Variants in CACNA2D3 observed in about 807,000 individuals in gnomAD.
CACNA2D3 encodes the protein voltage-dependent calcium channel subunit alpha-2/delta-3.
In CACNA2D3, 60 loss-of-function variants were observed where a neutral mutation model predicts 160.6. The observed-to-expected ratio is 0.37, with a 90% CI of 0.30 to 0.46. CACNA2D3 has a LOEUF of 0.46. CACNA2D3 is among the 20% of genes least tolerant of loss of function. The pLI is 1.00. For missense variants in CACNA2D3, 1,205 were observed against 1,365.0 expected (o/e 0.88, Z 1.85); for synonymous variants, 558 against 492.9 (o/e 1.13, Z -1.75).
chr3:54,904,844 A>T (rs1700417902), intron 27 of CACNA2D3, among the ~76,000 whole-genome samples: 1 of 152,234 alleles, frequency 6.6e-6, no homozygotes, highest in Non-Finnish European at 1.5e-5. Flanking sequence ...CTCAGTAGCT[A>T]AAACTCCAGT....
chr3:54,972,438 C>T (rs1377220684), intron 29 of CACNA2D3, among the ~76,000 whole-genome samples: 1 of 152,176 alleles, frequency 6.6e-6, no homozygotes, highest in Non-Finnish European at 1.5e-5. Flanking sequence ...TGCCATGTGT[C>T]ATTCTCTTTT....
chr3:54,954,596 G>A (rs1019490401), intron 27 of CACNA2D3, among the ~76,000 whole-genome samples: 1 of 152,100 alleles, frequency 6.6e-6, no homozygotes, highest in Non-Finnish European at 1.5e-5. Flanking sequence ...TGAGCAGCTC[G>A]TTCAGGAGGC....
At chr3:54,292,739 G>C (rs1703241485) in intron 2 of CACNA2D3, among the ~76,000 whole-genome samples, 2 of 152,166 alleles carry the variant, frequency 1.3e-5, no homozygotes, top group South Asian at 4.1e-4. Flanking sequence ...AATGTAAAAT[G>C]GTATAGCTGC....
chr3:54,849,303 C>T (rs1230301201), intron 17 of CACNA2D3, among the ~76,000 whole-genome samples: 1 of 145,364 alleles, frequency 6.9e-6, no homozygotes, highest in Non-Finnish European at 1.5e-5. Context: ...TAAGAGTCAG[C>T]CGGCATGAAT....
intron 9 of CACNA2D3, among the ~76,000 whole-genome samples, chr3:54,609,962 A>T (rs1444674095): frequency 2.0e-5 from 3 of 152,188 alleles, no homozygotes; most frequent in Non-Finnish European, 2.9e-5. Context: ...AGGTATTGGC[A>T]GGTCATGCTT....
chr3:54,878,955 A>G, intron 18 of CACNA2D3, 63 bp from the exon 19 acceptor site: 1 of 1,027,878 alleles, frequency 9.7e-7, no homozygotes, highest in South Asian at 1.6e-5. Context: ...CTGAGGATGC[A>G]AGATGTCCAG....
intron 2 of CACNA2D3, among the ~76,000 whole-genome samples, chr3:54,146,259 T>A (rs1258878070): frequency 6.6e-6 from 1 of 152,212 alleles, no homozygotes; most frequent in African/African-American, 2.4e-5. Context: ...GTAACTGTTA[T>A]GAATTTGTTG....
chr3:54,237,534 C>T (rs571334450), intron 2 of CACNA2D3, among the ~76,000 whole-genome samples: 13 of 152,286 alleles, frequency 8.5e-5, no homozygotes, highest in South Asian at 6.2e-4. Context: ...TAGATTTACA[C>T]GGTAAAGATT....
At chr3:54,624,007 TGGA>T (rs1358054132) in intron 9 of CACNA2D3, among the ~76,000 whole-genome samples, 2 of 151,734 alleles carry the variant, frequency 1.3e-5, no homozygotes, top group African/African-American at 2.4e-5. Flanking sequence ...GGTCAGGGTG[TGGA>T]GGAGGAGAAG....
At chr3:55,037,451 G>C (rs1280049324) in intron 35 of CACNA2D3, among the ~76,000 whole-genome samples, 1 of 152,154 alleles carries the variant, frequency 6.6e-6, no homozygotes, top group African/African-American at 2.4e-5. Context: ...AGACATCAGT[G>C]GCACTTTTGA....
At chr3:54,356,204 C>T (rs1340546549) in intron 3 of CACNA2D3, among the ~76,000 whole-genome samples, 3 of 152,088 alleles carry the variant, frequency 2.0e-5, no homozygotes, top group Non-Finnish European at 4.4e-5. Context: ...TTGTCATTCA[C>T]CAGAGAGAGA....
At chr3:54,513,286 G>A (rs1701488833) in intron 5 of CACNA2D3, among the ~76,000 whole-genome samples, 1 of 152,094 alleles carries the variant, frequency 6.6e-6, no homozygotes, top group African/African-American at 2.4e-5. Context: ...CCAAGCTGAT[G>A]GAAACTTCTG....
chr3:54,281,752 T>C (rs796329675), intron 2 of CACNA2D3, among the ~76,000 whole-genome samples: 8 of 152,366 alleles, frequency 5.3e-5, no homozygotes, highest in African/African-American at 1.9e-4. Context: ...TCTGTATTCA[T>C]GCAGAATATT....
chr3:54,763,816 T>C lies in CACNA2D3; in HGVS notation c.1247-402T>C, dbSNP rs1301922424. Among the ~76,000 whole-genome samples the C allele has an allele frequency of 2.1e-5, 2 of 96,044 alleles. 1 individual carries two copies. The highest frequency in any genetic ancestry group is 8.6e-5 in the African/African-American group (2 of 23,204). 63.0% of individuals were successfully genotyped at this position (96,044 alleles called of 152,430 possible). ...ATATATATGTACATATATATACATATATATATACGTATATATATGTATATA... is the reference window on the plus strand; with the variant it reads ...ATATATATGTACATATATATACATACATATATACGTATATATATGTATATA... On this transcript the variant is annotated intron_variant, in intron 12 of 37. Coordinates refer to ENST00000474759, the MANE Select transcript of CACNA2D3 (RefSeq NM_018398.3).
chr3:54,469,786 A>G (rs1700696474), intron 4 of CACNA2D3, among the ~76,000 whole-genome samples: 1 of 152,058 alleles, frequency 6.6e-6, no homozygotes, highest in Admixed American at 6.6e-5. Flanking sequence ...TGAAGCATAC[A>G]CAAGTATCAA....
chr3:54,989,239 T>C lies in CACNA2D3; in HGVS notation c.2690+1486T>C, dbSNP rs190990898. On this transcript the variant is annotated intron_variant, in intron 31 of 37. Transcript: ENST00000474759. ...TTCAACTTCTTTAACAAACCTATTTTTTCCTCTCCCTCTTGGATATTCCTT... is the reference window on the plus strand; with the variant it reads ...TTCAACTTCTTTAACAAACCTATTTCTTCCTCTCCCTCTTGGATATTCCTT... Among the ~76,000 whole-genome samples, 607 of 152,330 alleles carry C rather than the reference T, an allele frequency of 4.0e-3. 4 individuals are homozygous for C. Among genetic ancestry groups the C allele is most frequent in the African/African-American group, 0.014 (564 of 41,564 alleles).
chr3:54,687,793 G>T (rs1251934871), intron 11 of CACNA2D3, among the ~76,000 whole-genome samples: 1 of 152,196 alleles, frequency 6.6e-6, no homozygotes, highest in African/African-American at 2.4e-5. Flanking sequence ...GAGGTATTTA[G>T]TGCAGAGCTT....
At chr3:54,229,876 T>C (rs749165146) in intron 2 of CACNA2D3, among the ~76,000 whole-genome samples, 40 of 152,124 alleles carry the variant, frequency 2.6e-4, no homozygotes, top group Non-Finnish European at 4.7e-4. Flanking sequence ...ATTGTAATAT[T>C]TGGACACCTG....
At chr3:54,149,928 T>TCTCTCTCTCTCTCTCTCTCTCTCTCTCC in intron 2 of CACNA2D3, among the ~76,000 whole-genome samples, 1 of 35,556 alleles carries the variant, frequency 2.8e-5, no homozygotes, top group East Asian at 7.8e-4. Flanking sequence ...TCTCTCTCTC[T>TCTCTCTCTCTCTCTCTCTCTCTCTCTCC]CTCCCTCCCT....
Sources: allele counts gnomAD v4.1 joint callset (sites outside exome capture counted in the v4.1 genomes callset), GRCh38; gene constraint gnomAD v4.1.1; transcripts MANE v1.5; gene names NCBI Gene and HGNC (gene_info 2026-07-23, HGNC 2026-07-21).